The following POU6F2 variants were observed in gnomAD, a reference collection of about 807,000 sequenced individuals.
POU6F2 encodes the protein POU class 6 homeobox 2, also known as POU domain, class 6, transcription factor 2.
Under a neutral mutation model 71.3 loss-of-function variants are expected in POU6F2, and 31 were observed. The observed-to-expected ratio is 0.43, with a 90% confidence interval of 0.33 to 0.59. POU6F2 has a LOEUF of 0.59. POU6F2 is among the 20% of genes least tolerant of loss of function. The pLI, the probability that POU6F2 is intolerant of heterozygous loss-of-function variation, is 0.04. For missense variants in POU6F2, 783 were observed against 856.8 expected (o/e 0.91, Z 1.07); for synonymous variants, 347 against 355.7 (o/e 0.98, Z 0.27).
Position 39,464,160 on chromosome 7 carries a change from C to T in POU6F2, c.1659-22C>T. 1.2e-6 allele frequency: 2 copies of T among 1,608,946 alleles called. No homozygotes were observed. The highest frequency in any genetic ancestry group is 1.7e-6 in the Non-Finnish European group (2 of 1,176,998). On this transcript the variant is annotated intron_variant, in intron 9 of 9. Coordinates refer to ENST00000518318, the MANE Select transcript of POU6F2 (RefSeq NM_001370959.1). The surrounding 1 kb of genome is among the most constrained non-coding windows in gnomAD (Gnocchi z 4.1). ...GCAGAGGACTCAGTGTAAGACTGTT[C>T]TTTCTCAATTTTCCCCCCCAGACAC...
intron 1 of POU6F2, among the ~76,000 whole-genome samples, chr7:39,012,305 G>A (rs1339387131): frequency 2.0e-5 from 3 of 152,074 alleles, no homozygotes; most frequent in African/African-American, 4.8e-5. Context: ...CTTTCTTCCA[G>A]TTGATCACAT....
chr7:39,375,153 TG>T (rs1786686933), intron 5 of POU6F2, among the ~76,000 whole-genome samples: 1 of 152,142 alleles, frequency 6.6e-6, no homozygotes, highest in Non-Finnish European at 1.5e-5. Context: ...TTGTTTTACC[TG>T]ATATTATGTT....
intron 5 of POU6F2, among the ~76,000 whole-genome samples, chr7:39,399,228 A>C (rs1787243657): frequency 6.6e-6 from 1 of 151,890 alleles, no homozygotes; most frequent in Admixed American, 6.6e-5. Flanking sequence ...TTCCCACCCA[A>C]ATTTTTTTCC....
At chr7:39,266,662 A>T (rs1356821300) in intron 4 of POU6F2, among the ~76,000 whole-genome samples, 11 of 140,556 alleles carry the variant, frequency 7.8e-5, no homozygotes, top group African/African-American at 3.0e-4. Context: ...TCTTGAGTTG[A>T]TGAGATTACA....
rs76568419 is a variant in POU6F2 at position 39,370,312 on chromosome 7, C to T, written c.972+30297C>T. ...GGATGTTTCCAGAAGGCAAGACTAA[C>T]GTGCAACATAAGAGAACATAGTAAA... On this transcript the variant is annotated intron_variant, in intron 5 of 9. Coordinates refer to ENST00000518318, the MANE Select transcript of POU6F2 (RefSeq NM_001370959.1). Among the ~76,000 whole-genome samples the T allele has an allele frequency of 4.7e-3, 711 of 152,260 alleles. 4 individuals are homozygous for T. The highest frequency in any genetic ancestry group is 0.016 in the African/African-American group (664 of 41,552).
intron 2 of POU6F2, among the ~76,000 whole-genome samples, chr7:39,172,932 CT>C (rs5883677): frequency 1.3e-5 from 2 of 150,802 alleles, no homozygotes; most frequent in Admixed American, 6.6e-5. Flanking sequence ...CTCCAGGTCC[CT>C]TTTTTTTTAA....
intron 1 of POU6F2, chr7:39,001,907 T>C (rs1042731668): frequency 1.3e-5 from 2 of 152,242 alleles, no homozygotes; most frequent in African/African-American, 4.8e-5. Flanking sequence ...GTGATGATGA[T>C]GTTGGTGATA....
At chr7:39,323,456 A>G (rs1457887483) in intron 4 of POU6F2, among the ~76,000 whole-genome samples, 2 of 152,064 alleles carry the variant, frequency 1.3e-5, no homozygotes, top group Admixed American at 6.5e-5. Flanking sequence ...CCCTGTTTCT[A>G]TGTGTGGAAG....
At chr7:39,382,222 C>T (rs1786842960) in intron 5 of POU6F2, among the ~76,000 whole-genome samples, 1 of 152,202 alleles carries the variant, frequency 6.6e-6, no homozygotes, top group Admixed American at 6.5e-5. Context: ...AGGTGCTTTT[C>T]GAAGCAGACC....
chr7:39,390,926 G>A (rs1476823381), intron 5 of POU6F2, among the ~76,000 whole-genome samples: 1 of 152,022 alleles, frequency 6.6e-6, no homozygotes, highest in Non-Finnish European at 1.5e-5. Context: ...CCAAGAGGTA[G>A]ATGCTTCATG....
At chr7:39,409,128 C>T (rs187730917) in intron 6 of POU6F2, among the ~76,000 whole-genome samples, 89 of 152,328 alleles carry the variant, frequency 5.8e-4, no homozygotes, top group African/African-American at 1.9e-3. Context: ...CCACCCAGCC[C>T]ATTTTCAATT....
chr7:38,987,515 G>C (rs1032676315), intron 1 of POU6F2, among the ~76,000 whole-genome samples: 5 of 152,102 alleles, frequency 3.3e-5, no homozygotes, highest in Admixed American at 6.6e-5. Context: ...GGTAATTAAT[G>C]TCAGTTAAAT....
chr7:39,340,592 T>A (rs1180751129), intron 5 of POU6F2, among the ~76,000 whole-genome samples: 1 of 152,204 alleles, frequency 6.6e-6, no homozygotes. Context: ...TCTAAATTCA[T>A]GCCAAGAGCC....
At chr7:39,230,558 C>T (rs1584614655) in intron 4 of POU6F2, among the ~76,000 whole-genome samples, 1 of 151,832 alleles carries the variant, frequency 6.6e-6, no homozygotes, top group East Asian at 1.9e-4. Flanking sequence ...GATAGTAATA[C>T]TTGCTCAATA....
At chr7:39,422,816 T>G (rs1053507526) in intron 6 of POU6F2, among the ~76,000 whole-genome samples, 1 of 152,208 alleles carries the variant, frequency 6.6e-6, no homozygotes, top group East Asian at 1.9e-4. Flanking sequence ...GATTGTTACC[T>G]GACTTACGTA....
At chr7:39,428,397 G>T (rs1430449846) in intron 6 of POU6F2, among the ~76,000 whole-genome samples, 2 of 152,150 alleles carry the variant, frequency 1.3e-5, no homozygotes, top group Non-Finnish European at 2.9e-5. Context: ...TACTGGTATG[G>T]GCCTTGGCCT....
intron 1 of POU6F2, among the ~76,000 whole-genome samples, chr7:39,061,009 T>G (rs1008972425): frequency 1.3e-5 from 2 of 152,026 alleles, no homozygotes; most frequent in Admixed American, 6.6e-5. Context: ...ATGGGTAATA[T>G]CTATTGATAT....
chr7:39,281,664 TTG>T (rs1463324227), intron 4 of POU6F2, among the ~76,000 whole-genome samples: 4 of 152,200 alleles, frequency 2.6e-5, no homozygotes, highest in Non-Finnish European at 5.9e-5. Flanking sequence ...TAATATTCCA[TTG>T]TGTGTATATA....
At chr7:39,222,928 A>G (rs568802625) in intron 4 of POU6F2, among the ~76,000 whole-genome samples, 2 of 152,330 alleles carry the variant, frequency 1.3e-5, no homozygotes, top group South Asian at 4.1e-4. Flanking sequence ...ATGCTAGATC[A>G]TACGGTAATT....
Sources: gnomAD v4.1 joint callset for allele counts (sites outside exome capture counted in the v4.1 genomes callset) on GRCh38, gnomAD v4.1.1 for gene constraint, Gnocchi (gnomAD v3.1) non-coding constraint, MANE v1.5 for transcripts, NCBI Gene and HGNC (gene_info 2026-07-23, HGNC 2026-07-21) for gene names.